Variants in FRMD7 observed in about 807,000 individuals in gnomAD.
FRMD7 encodes the protein FERM domain-containing protein 7.
A neutral mutation model predicts 44.1 loss-of-function variants in FRMD7; 14 were observed. The observed-to-expected ratio is 0.32, with a 90% confidence interval of 0.21 to 0.50. The LOEUF (loss-of-function observed/expected upper bound fraction) is 0.50, where lower values mean the gene tolerates loss of function less well. Among genes scored for constraint, FRMD7 ranks in the 20% least tolerant of loss-of-function variants. The pLI is 0.99. For missense variants in FRMD7, 501 were observed against 522.3 expected (o/e 0.96, Z 0.40); for synonymous variants, 212 against 187.4 (o/e 1.13, Z -1.07).
At chrX:132,119,557 C>G (rs1928984332) in intron 1 of FRMD7, among the ~76,000 whole-genome samples, 1 of 111,345 alleles carries the variant, frequency 9.0e-6, no homozygotes, top group African/African-American at 3.3e-5. Context: ...GCTCACCCAG[C>G]CAAACCTCCC....
rs772267583 is a variant in FRMD7, at chrX:132,078,694, ACTC to A, written c.1320_1322del (p.Arg440del). 1 of 1,210,304 alleles carries A rather than the reference ACTC, an allele frequency of 8.3e-7. No homozygotes were observed. The highest frequency in any genetic ancestry group is 1.1e-6 in the Non-Finnish European group (1 of 894,482). ...AGCTTGTTTGGAAGGAGCTTAGAGA[ACTC>A]CTCTCTGAAAAAATGTCTCTGGGAT... On this transcript the variant is annotated inframe_deletion, in exon 12 of 12. Transcript: ENST00000298542.
intron 4 of FRMD7, among the ~76,000 whole-genome samples, chrX:132,096,384 C>T (rs776686503): frequency 5.4e-5 from 6 of 110,361 alleles, no homozygotes; most frequent in African/African-American, 2.0e-4. Flanking sequence ...ACTAAGAGGG[C>T]TCGATTAGAT....
At position 132,097,340 on chromosome X, in the gene FRMD7, A is replaced by G. The variant is rs145520969; in HGVS notation, c.210T>C (p.Pro70=). 1.6e-4 allele frequency: 184 copies of G among 1,147,130 alleles called. 1 individual carries two copies. Among genetic ancestry groups the G allele is most frequent in the Non-Finnish European group, 1.9e-4 (163 of 838,642 alleles). 94.5% of individuals were successfully genotyped at this position (1,147,130 alleles called of 1,213,427 possible). Residue 70 remains proline (P), a synonymous_variant, in exon 4 of 12, where the codon CCT becomes CCC. Coordinates refer to ENST00000298542, the MANE Select transcript of FRMD7 (RefSeq NM_194277.3). ...LKPITKQVKN[P]KEIVFKFMVK... ...CCATAAATTTGAAAACAATCTCCTT[A>G]GGATCTTAAAACACAATATCTCCAT...
At position 132,085,617 on chromosome X, in the gene FRMD7, G is replaced by A. The variant is rs780424842; in HGVS notation, c.609C>T (p.His203=). The change falls in exon 7 of 12, where the codon CAC becomes CAT. Residue 203 remains histidine, a synonymous_variant. Coordinates refer to ENST00000298542, the MANE Select transcript of FRMD7 (RefSeq NM_194277.3). ...GTACTCCCATGTGAGCAACAGCCAGGTGAATCTGCATCCCTTCACCATCAC... is the reference window on the plus strand; with the variant it reads ...GTACTCCCATGTGAGCAACAGCCAGATGAATCTGCATCCCTTCACCATCAC... ...PASDGEGMQI[H]LAVAHMGVLV... is the part of the protein sequence containing the mutation. 8.3e-7 allele frequency: 1 copy of A among 1,209,128 alleles called. No homozygotes were observed. Among genetic ancestry groups the A allele is most frequent in the African/African-American group, 1.8e-5 (1 of 57,124 alleles).
At position 132,085,811 on chromosome X, in the gene FRMD7, G is replaced by A. The variant is rs150212015; in HGVS notation, c.498-83C>T. ...CTGAGAGCTCCATGAGGATCTCAGCGTTTCATGGAGCCTGAAACTTCTCAG... is the reference window on the plus strand; with the variant it reads ...CTGAGAGCTCCATGAGGATCTCAGCATTTCATGGAGCCTGAAACTTCTCAG... On this transcript the variant is annotated intron_variant, in intron 6 of 11. Coordinates refer to ENST00000298542, the MANE Select transcript of FRMD7 (RefSeq NM_194277.3). 713 of 1,063,739 alleles carry A rather than the reference G, an allele frequency of 6.7e-4. 9 individuals are homozygous for A. The African/African-American group carries it at 0.011, about 17-fold the overall frequency. The allele number at this position is 1,063,739 out of a possible 1,213,427, so 87.7% of individuals were successfully genotyped here.
intron 1 of FRMD7, among the ~76,000 whole-genome samples, chrX:132,107,994 C>T (rs746011062): frequency 2.7e-5 from 3 of 111,854 alleles, no homozygotes; most frequent in South Asian, 3.7e-4. Context: ...TATGAGGTGG[C>T]AGCACAGCAT....
At chrX:132,083,472 C>G (rs1054533707) in intron 8 of FRMD7, among the ~76,000 whole-genome samples, 2 of 111,187 alleles carry the variant, frequency 1.8e-5, no homozygotes, top group Non-Finnish European at 3.8e-5. Flanking sequence ...GACCCCACTT[C>G]TCTCATTCCT....
chrX:132,109,879 C>A (rs1291313752), intron 1 of FRMD7, among the ~76,000 whole-genome samples: 5 of 110,824 alleles, frequency 4.5e-5, no homozygotes, highest in African/African-American at 9.8e-5. Context: ...TTTGGTGTTG[C>A]TAAAGGAGAA....
intron 1 of FRMD7, among the ~76,000 whole-genome samples, chrX:132,109,036 C>G (rs1206412716): frequency 8.9e-6 from 1 of 111,976 alleles, no homozygotes; most frequent in Non-Finnish European, 1.9e-5. Context: ...AGCATTTGCA[C>G]CATCTGAGGG....
intron 5 of FRMD7, among the ~76,000 whole-genome samples, chrX:132,090,624 T>C (rs1928139365): frequency 9.0e-6 from 1 of 111,383 alleles, no homozygotes; most frequent in African/African-American, 3.3e-5. Flanking sequence ...GTTTTAAAAC[T>C]GGATTGCGGT....
At chrX:132,080,303 C>CTATTGGTTTATGGCTAG in intron 9 of FRMD7, 37 bp from the exon 10 acceptor site, 1 of 950,286 alleles carries the variant, frequency 1.1e-6, no homozygotes, top group Non-Finnish European at 1.5e-6. Flanking sequence ...TAGTTCTAGC[C>CTATTGGTTTATGGCTAG]ATAAACCAAT....
intron 4 of FRMD7, among the ~76,000 whole-genome samples, chrX:132,096,975 T>C (rs1451281329): frequency 9.0e-6 from 1 of 110,988 alleles, no homozygotes; most frequent in Non-Finnish European, 1.9e-5. Flanking sequence ...AAACACAGAT[T>C]CATGAAGGAG....
chrX:132,113,268 G>A (rs1410124936), intron 1 of FRMD7, among the ~76,000 whole-genome samples: 1 of 111,596 alleles, frequency 9.0e-6, no homozygotes, highest in Admixed American at 9.5e-5. Context: ...AATTCTAAAT[G>A]GTACTTGGAA....
At chrX:132,126,921 A>C (rs775379800) in intron 1 of FRMD7, among the ~76,000 whole-genome samples, 1 of 112,439 alleles carries the variant, frequency 8.9e-6, no homozygotes, top group African/African-American at 3.2e-5. Context: ...TGGGCTACCC[A>C]CACACACAAC....
chrX:132,104,727 C>A (rs917624957), intron 1 of FRMD7, among the ~76,000 whole-genome samples: 1 of 111,466 alleles, frequency 9.0e-6, no homozygotes, highest in Non-Finnish European at 1.9e-5. Flanking sequence ...AACAAACAAA[C>A]AAAAAATTGG....
chrX:132,099,439 C>T, intron 3 of FRMD7, 29 bp downstream of exon 3: 1 of 1,159,334 alleles, frequency 8.6e-7, no homozygotes, highest in Non-Finnish European at 1.2e-6. Context: ...ACTGTGAACT[C>T]TCTTCCTTAA....
At chrX:132,108,928 C>T (rs1359728534) in intron 1 of FRMD7, among the ~76,000 whole-genome samples, 2 of 111,567 alleles carry the variant, frequency 1.8e-5, no homozygotes, top group African/African-American at 3.3e-5. Flanking sequence ...CCCAGCCATG[C>T]GGAACTGTGA....
chrX:132,090,718 A>T (rs914105275), intron 5 of FRMD7, among the ~76,000 whole-genome samples: 1 of 111,070 alleles, frequency 9.0e-6, no homozygotes, highest in Non-Finnish European at 1.9e-5. Flanking sequence ...TGTAAATTAT[A>T]CCTCAATAGA....
At chrX:132,081,773 T>A (rs1015117204) in intron 9 of FRMD7, among the ~76,000 whole-genome samples, 2 of 112,360 alleles carry the variant, frequency 1.8e-5, no homozygotes, top group Non-Finnish European at 3.8e-5. Context: ...AAGATCTTTT[T>A]TTTTATTTTA....
Sources: gnomAD v4.1 joint callset for allele counts (sites outside exome capture counted in the v4.1 genomes callset) on GRCh38, gnomAD v4.1.1 for gene constraint, MANE v1.5 for transcripts, NCBI Gene and HGNC (gene_info 2026-07-23, HGNC 2026-07-21) for gene names.